The following SGCZ variants were observed in gnomAD, a reference collection of about 807,000 sequenced individuals.
SGCZ encodes the protein sarcoglycan zeta, also known as zeta-sarcoglycan.
SGCZ carries 40 observed loss-of-function variants against 41.3 expected under a neutral mutation model. That is an observed-to-expected ratio of 0.97 (90% CI 0.75 to 1.26). The LOEUF (loss-of-function observed/expected upper bound fraction) is 1.26, where lower values mean the gene tolerates loss of function less well. SGCZ is among the 50% of genes most tolerant of loss of function. The pLI is 0.00. For synonymous variants in SGCZ, 206 were observed against 137.5 expected (o/e 1.50, Z -3.49); for missense variants, 552 against 369.8 (o/e 1.49, Z -4.04).
intron 2 of SGCZ, among the ~76,000 whole-genome samples, chr8:14,336,754 C>T (rs1802519695): frequency 6.6e-6 from 1 of 152,258 alleles, no homozygotes; most frequent in African/African-American, 2.4e-5. Context: ...CTGGATTTCA[C>T]AGGTATCCCA....
At chr8:14,449,561 G>C (rs1463448014) in intron 2 of SGCZ, among the ~76,000 whole-genome samples, 5 of 152,048 alleles carry the variant, frequency 3.3e-5, no homozygotes, top group African/African-American at 9.7e-5. Context: ...TTTATATCTA[G>C]GTCAGTTCAT....
intron 2 of SGCZ, among the ~76,000 whole-genome samples, chr8:14,520,360 A>T (rs1457392777): frequency 6.6e-6 from 1 of 152,146 alleles, no homozygotes; most frequent in African/African-American, 2.4e-5. Flanking sequence ...TGTAGCTCAT[A>T]CCAGCCCAGT....
intron 1 of SGCZ, among the ~76,000 whole-genome samples, chr8:15,039,453 TA>T (rs900809865): frequency 9.2e-5 from 14 of 152,146 alleles, no homozygotes; most frequent in African/African-American, 3.4e-4. Context: ...GAATGGGGGT[TA>T]CCAAAGTTTG....
Position 14,759,387 on chromosome 8 carries a change from A to C in SGCZ, c.40-204461T>G, listed in dbSNP as rs1799787974. Among the ~76,000 whole-genome samples, 3 of 152,192 alleles carry C rather than the reference A, an allele frequency of 2.0e-5. No individual in the cohort carries two copies. In the South Asian group the frequency reaches 6.2e-4, roughly 32 times the overall value. The stretch of plus-strand genomic sequence containing the variant: ...TTTTTTGGTTTGAGGTTGTTTTCTC[A>C]AACTTTAATTCTTAAAGCTTCATTT... On this transcript the variant is annotated intron_variant, in intron 1 of 7. Coordinates refer to ENST00000382080, the MANE Select transcript of SGCZ (RefSeq NM_139167.4).
chr8:14,389,325 T>A (rs2117212774), intron 2 of SGCZ, among the ~76,000 whole-genome samples: 1 of 151,732 alleles, frequency 6.6e-6, no homozygotes, highest in Admixed American at 6.6e-5. Context: ...CATGTAAGAA[T>A]TTTTCAGAAA....
chr8:14,597,858 T>G (rs1805463494), intron 1 of SGCZ, among the ~76,000 whole-genome samples: 1 of 152,200 alleles, frequency 6.6e-6, no homozygotes, highest in South Asian at 2.1e-4. Flanking sequence ...AACTGTACAG[T>G]CATGTTTTCT....
chr8:14,160,376 A>G (rs2116974523), intron 5 of SGCZ, among the ~76,000 whole-genome samples: 1 of 152,260 alleles, frequency 6.6e-6, no homozygotes, highest in Middle Eastern at 3.4e-3. Flanking sequence ...AATTTAAGAG[A>G]CTTCCGTGTG....
chr8:15,159,322 A>G (rs549193158), intron 1 of SGCZ, among the ~76,000 whole-genome samples: 1 of 146,834 alleles, frequency 6.8e-6, no homozygotes. Context: ...AGTATCCTTT[A>G]TAAGAAACTG....
chr8:14,811,697 A>C (rs932663059), intron 1 of SGCZ, among the ~76,000 whole-genome samples: 2 of 151,794 alleles, frequency 1.3e-5, no homozygotes, highest in African/African-American at 4.8e-5. Flanking sequence ...CCAAAAGCAC[A>C]GGTTCTGACT....
chr8:14,391,855 G>A (rs1045906141), intron 2 of SGCZ, among the ~76,000 whole-genome samples: 41 of 152,070 alleles, frequency 2.7e-4, no homozygotes, highest in African/African-American at 9.9e-4. Context: ...GTGGAGCTTT[G>A]CAACTGGTTG....
At chr8:14,648,699 T>C (rs1469467376) in intron 1 of SGCZ, among the ~76,000 whole-genome samples, 2 of 152,082 alleles carry the variant, frequency 1.3e-5, no homozygotes, top group Non-Finnish European at 2.9e-5. Flanking sequence ...TATCAAGGTG[T>C]GCAAGAGACT....
At chr8:15,035,683 G>A (rs772988175) in intron 1 of SGCZ, among the ~76,000 whole-genome samples, 37 of 151,892 alleles carry the variant, frequency 2.4e-4, no homozygotes, top group Non-Finnish European at 5.3e-4. Context: ...AAGAAAACAA[G>A]GTTAGCTACG....
At chr8:14,440,725 G>A (rs1254028338) in intron 2 of SGCZ, among the ~76,000 whole-genome samples, 3 of 58,668 alleles carry the variant, frequency 5.1e-5, no homozygotes, top group Admixed American at 1.9e-4. Flanking sequence ...ACGTATACAC[G>A]TATATGTATA....
intron 1 of SGCZ, among the ~76,000 whole-genome samples, chr8:15,006,799 A>G (rs1184513120): frequency 2.0e-5 from 3 of 152,110 alleles, no homozygotes; most frequent in African/African-American, 7.2e-5. Context: ...CCATGTTTGA[A>G]CCTGCATTCG....
At chr8:15,041,498 GT>G (rs2130978014) in intron 1 of SGCZ, among the ~76,000 whole-genome samples, 1 of 151,892 alleles carries the variant, frequency 6.6e-6, no homozygotes, top group African/African-American at 2.4e-5. Flanking sequence ...TCTTTATATG[GT>G]TTTAGTTAAA....
chr8:14,732,144 T>C (rs953385974), intron 1 of SGCZ, among the ~76,000 whole-genome samples: 1 of 152,200 alleles, frequency 6.6e-6, no homozygotes, highest in Non-Finnish European at 1.5e-5. Context: ...TAACAGGATC[T>C]AGGTCCTTTT....
At chr8:14,579,653 G>C (rs1229383298) in intron 1 of SGCZ, among the ~76,000 whole-genome samples, 1 of 152,142 alleles carries the variant, frequency 6.6e-6, no homozygotes, top group East Asian at 1.9e-4. Context: ...CTTCAGTTTT[G>C]TTAAATTTCC....
intron 2 of SGCZ, among the ~76,000 whole-genome samples, chr8:14,376,063 C>G (rs1435773835): frequency 1.3e-5 from 2 of 152,284 alleles, no homozygotes; most frequent in East Asian, 3.9e-4. Flanking sequence ...CCGGTAATCC[C>G]AGCACTTTGG....
In SGCZ at chr8:15,046,808, G is replaced by A. The variant is rs78732459; in HGVS notation, c.39+190777C>T. On this transcript the variant is annotated intron_variant, in intron 1 of 7. Transcript: ENST00000382080. ...CTAATACTGCCAAAACCAATCTGAC[G>A]TTATACCAAACATGCTAGCCTTTCC... 3.9e-5 allele frequency among the ~76,000 whole-genome samples: 6 copies of A among 152,050 alleles called. No homozygotes were observed. The East Asian group carries it at 5.8e-4, about 15-fold the overall frequency.
Sources: gnomAD v4.1 joint callset for allele counts (sites outside exome capture counted in the v4.1 genomes callset) on GRCh38, gnomAD v4.1.1 for gene constraint, MANE v1.5 for transcripts, NCBI Gene and HGNC (gene_info 2026-07-23, HGNC 2026-07-21) for gene names.